The following NECTIN3 variants were observed in gnomAD, a reference collection of about 807,000 sequenced individuals.
The protein encoded by NECTIN3 is nectin-3.
In NECTIN3, 8 loss-of-function variants were observed where a neutral mutation model predicts 49.4. The ratio of observed to expected loss-of-function variants is 0.16; its 90% confidence interval spans 0.10 to 0.29. NECTIN3 has a LOEUF of 0.29. Among genes scored for constraint, NECTIN3 ranks in the 10% least tolerant of loss-of-function variants. The probability of loss-of-function intolerance (pLI) is 1.00; values close to 1 mark genes in which losing one functional copy is unlikely to be tolerated. For synonymous variants in NECTIN3, 277 were observed against 241.1 expected (o/e 1.15, Z -1.38); for missense variants, 581 against 654.6 (o/e 0.89, Z 1.23).
chr3:111,115,802 A>G (rs1348172466), intron 2 of NECTIN3, among the ~76,000 whole-genome samples: 1 of 152,258 alleles, frequency 6.6e-6, no homozygotes, highest in African/African-American at 2.4e-5. Context: ...AATGAAGACA[A>G]GAACTATTAC....
At position 111,169,911 on chromosome 3, in the gene NECTIN3, A is replaced by G. The variant is rs79244832; in HGVS notation, c.1221+22427A>G. Among the ~76,000 whole-genome samples, 512 of 152,370 alleles carry G rather than the reference A, an allele frequency of 3.4e-3. 2 individuals are homozygous for G. The highest frequency in any genetic ancestry group is 0.012 in the African/African-American group (492 of 41,602). ...ACCAATGTACACTGCCACTGATAGCATATGAGAGGAAAGTATGTTCTTTAG... is the reference window on the plus strand; with the variant it reads ...ACCAATGTACACTGCCACTGATAGCGTATGAGAGGAAAGTATGTTCTTTAG... On this transcript the variant is annotated intron_variant, in intron 7 of 8. Coordinates refer to the NECTIN3 transcript ENST00000493615.
At chr3:111,127,124 A>T (rs2107480469) in intron 5 of NECTIN3, among the ~76,000 whole-genome samples, 1 of 152,312 alleles carries the variant, frequency 6.6e-6, no homozygotes, top group Admixed American at 6.5e-5. Context: ...GAAAATTAAG[A>T]GGTAAAAGGA....
At chr3:111,108,640 A>G (rs1213192067) in intron 1 of NECTIN3, among the ~76,000 whole-genome samples, 4 of 152,168 alleles carry the variant, frequency 2.6e-5, no homozygotes, top group Non-Finnish European at 4.4e-5. Context: ...TGCACAGGAA[A>G]CATGGTGCTG....
At chr3:111,108,999 A>G (rs1006131069) in intron 1 of NECTIN3, among the ~76,000 whole-genome samples, 19 of 152,274 alleles carry the variant, frequency 1.2e-4, no homozygotes, top group African/African-American at 4.3e-4. Flanking sequence ...GCAGACATTT[A>G]TTTCTCACAT....
chr3:111,080,507 T>C (rs2031524570), intron 1 of NECTIN3, among the ~76,000 whole-genome samples: 1 of 152,176 alleles, frequency 6.6e-6, no homozygotes, highest in African/African-American at 2.4e-5. Flanking sequence ...TACTGTTGCT[T>C]TGCTGCCCTC....
chr3:111,174,538 T>C (rs994219662), intron 7 of NECTIN3, among the ~76,000 whole-genome samples: 9 of 151,736 alleles, frequency 5.9e-5, no homozygotes, highest in African/African-American at 1.7e-4. Flanking sequence ...GTCCTAAGAG[T>C]TTCAGATGAG....
At chr3:111,112,969 G>A (rs1235684219) in intron 2 of NECTIN3, among the ~76,000 whole-genome samples, 1 of 152,164 alleles carries the variant, frequency 6.6e-6, no homozygotes, top group African/African-American at 2.4e-5. Context: ...TGGAAATGCT[G>A]ATAAGTACTT....
At chr3:111,107,914 C>T (rs1334121953) in intron 1 of NECTIN3, among the ~76,000 whole-genome samples, 1 of 151,982 alleles carries the variant, frequency 6.6e-6, no homozygotes, top group Non-Finnish European at 1.5e-5. Context: ...AGAACTCTGG[C>T]TAATTAAAAC....
rs1242182132 is a variant in NECTIN3 at position 111,126,354 on chromosome 3, G to A, written c.1069+19G>A. 5.1e-6 allele frequency: 8 copies of A among 1,581,500 alleles called. No individual in the cohort carries two copies. Among genetic ancestry groups the A allele is most frequent in the Non-Finnish European group, 6.9e-6 (8 of 1,161,484 alleles). ...ATTTCAGGTAAGTTACTATCTGCTTGCAAAATGAGTTATTTAAAATATTTC... is the reference window on the plus strand; with the variant it reads ...ATTTCAGGTAAGTTACTATCTGCTTACAAAATGAGTTATTTAAAATATTTC... On this transcript the variant is annotated intron_variant, in intron 5 of 5. Transcript: ENST00000485303.
rs546564654 is a variant in NECTIN3 at position 111,108,670 on chromosome 3, G to A, written c.161-3360G>A. On this transcript the variant is annotated intron_variant, in intron 1 of 5. Transcript: ENST00000485303. ...GTGCTGGCATCTGTTTCTGGTGAGG[G>A]CCTCAGGAAGCTTAGAATCATGGGA... Among the ~76,000 whole-genome samples, 8 of 152,246 alleles carry A rather than the reference G, an allele frequency of 5.3e-5. No homozygotes were observed. In the East Asian group the frequency reaches 1.5e-3, roughly 29 times the overall value.
At chr3:111,192,193 A>T (rs2035824811), upstream of NECTIN3, among the ~76,000 whole-genome samples, 1 of 152,214 alleles carries the variant, frequency 6.6e-6, no homozygotes, top group African/African-American at 2.4e-5. Context: ...TCTTTAAAAA[A>T]ATATGGTTAC....
chr3:111,150,546 CAG>C (rs1394772311), intron 7 of NECTIN3, among the ~76,000 whole-genome samples: 1 of 151,844 alleles, frequency 6.6e-6, no homozygotes, highest in East Asian at 1.9e-4. Flanking sequence ...ATGAATGACA[CAG>C]AATATAAAAA....
At chr3:111,176,107 T>C (rs991564848) in intron 7 of NECTIN3, among the ~76,000 whole-genome samples, 13 of 152,058 alleles carry the variant, frequency 8.5e-5, no homozygotes, top group Non-Finnish European at 4.4e-5. Flanking sequence ...CAGAAGAAAA[T>C]ACCCAAACTC....
chr3:111,082,228 G>C (rs1359910792), intron 1 of NECTIN3, among the ~76,000 whole-genome samples: 2 of 152,146 alleles, frequency 1.3e-5, no homozygotes, highest in African/African-American at 4.8e-5. Flanking sequence ...TGCATTTGTG[G>C]TGTACTTTTG....
chr3:111,074,690 C>T (rs999177101), intron 1 of NECTIN3, among the ~76,000 whole-genome samples: 6 of 151,856 alleles, frequency 4.0e-5, no homozygotes, highest in Non-Finnish European at 7.4e-5. Context: ...TACAGGTTGT[C>T]AAATTGCCAG....
intron 7 of NECTIN3, among the ~76,000 whole-genome samples, chr3:111,166,199 C>A (rs996932730): frequency 2.0e-5 from 3 of 152,106 alleles, no homozygotes; most frequent in Non-Finnish European, 2.9e-5. Flanking sequence ...GGAGAATTGA[C>A]CCCCAGCAAT....
At chr3:111,149,071 A>C (rs2107511185) in intron 7 of NECTIN3, among the ~76,000 whole-genome samples, 1 of 152,206 alleles carries the variant, frequency 6.6e-6, no homozygotes. Flanking sequence ...CAATGGGATA[A>C]CCAGTTGTCC....
At chr3:111,175,485 G>C (rs965057565) in intron 7 of NECTIN3, among the ~76,000 whole-genome samples, 1 of 151,972 alleles carries the variant, frequency 6.6e-6, no homozygotes, top group African/African-American at 2.4e-5. Flanking sequence ...TTGTTTAACT[G>C]TTTGAATGAC....
At chr3:111,086,476 A>G (rs537678275) in intron 1 of NECTIN3, among the ~76,000 whole-genome samples, 11 of 152,150 alleles carry the variant, frequency 7.2e-5, no homozygotes, top group African/African-American at 2.6e-4. Flanking sequence ...TTTTTCCTCC[A>G]TTTACTATTT....
Sources: allele counts gnomAD v4.1 joint callset (sites outside exome capture counted in the v4.1 genomes callset), GRCh38; gene constraint gnomAD v4.1.1; transcripts MANE v1.5; gene names NCBI Gene and HGNC (gene_info 2026-07-23, HGNC 2026-07-21).